AFF1: variants seen among roughly 807,000 people sequenced by gnomAD.
AFF1 encodes the protein ALF transcription elongation factor 1, also known as AF4/FMR2 family member 1.
A neutral mutation model predicts 121.7 loss-of-function variants in AFF1; 48 were observed. The ratio of observed to expected loss-of-function variants is 0.39; its 90% CI spans 0.31 to 0.50. The LOEUF (loss-of-function observed/expected upper bound fraction) is 0.50. Ranked by LOEUF, AFF1 falls within the 20% of genes least tolerant of loss-of-function variation. The pLI, the probability that AFF1 is intolerant of heterozygous loss-of-function variation, is 0.76. For synonymous variants in AFF1, 613 were observed against 563.0 expected, an observed-to-expected ratio of 1.09 and a Z score of -1.26; for missense variants, 1,523 against 1,511.7, an observed-to-expected ratio of 1.01 and a Z score of -0.12.
At chr4:87,053,263 C>G (rs388401) in intron 4 of AFF1, among the ~76,000 whole-genome samples, 87,313 of 152,058 alleles carry the variant, frequency 0.57, 27,454 homozygotes, top group African/African-American at 0.86. Flanking sequence ...GGCCTCTTGT[C>G]ACATCATGTT....
chr4:87,041,981 G>GCCTGGGCGACA (rs528090664), intron 2 of AFF1, among the ~76,000 whole-genome samples: 38 of 150,098 alleles, frequency 2.5e-4, no homozygotes, highest in Non-Finnish European at 5.0e-4. Flanking sequence ...CTGCACTCCA[G>GCCTGGGCGACA]CCTGGGCGAC....
intron 2 of AFF1, among the ~76,000 whole-genome samples, chr4:86,997,240 A>T (rs1725287182): frequency 6.6e-6 from 1 of 152,032 alleles, no homozygotes; most frequent in African/African-American, 2.4e-5. Context: ...AGAGGAAGAG[A>T]CCTGCAGTAG....
At chr4:87,091,927 A>G in intron 7 of AFF1, 98 bp downstream of exon 7, 1 of 777,870 alleles carries the variant, frequency 1.3e-6, no homozygotes, top group Non-Finnish European at 2.1e-6. Flanking sequence ...AGCAGAGATG[A>G]GGCCTTCCTA....
intron 2 of AFF1, among the ~76,000 whole-genome samples, chr4:87,022,070 T>C (rs926835198): frequency 6.6e-6 from 1 of 152,056 alleles, no homozygotes; most frequent in African/African-American, 2.4e-5. Flanking sequence ...CCAGGCGTGG[T>C]GGCGGGTGCC....
At chr4:87,064,994 G>A (rs1464793463) in intron 4 of AFF1, among the ~76,000 whole-genome samples, 2 of 151,978 alleles carry the variant, frequency 1.3e-5, no homozygotes, top group Non-Finnish European at 2.9e-5. Flanking sequence ...AGCTGTGTTC[G>A]TGCCACTGCA....
rs70953629 is a variant in AFF1, at chr4:86,969,879, C to CAAAAAAAAAAAAAA, written c.38+21313_38+21326dup. Among the ~76,000 whole-genome samples the CAAAAAAAAAAAAAA allele has an allele frequency of 2.2e-3, 137 of 63,602 alleles. 18 individuals carry two copies. Among genetic ancestry groups the CAAAAAAAAAAAAAA allele is most frequent in the Middle Eastern group, 0.017 (1 of 58 alleles). 41.7% of individuals were successfully genotyped at this position (63,602 alleles called of 152,430 possible). On this transcript the variant is annotated intron_variant, in intron 2 of 20. Coordinates refer to ENST00000395146, the MANE Select transcript of AFF1 (RefSeq NM_001166693.3). Reference sequence around the variant, plus strand: ...TGGGCGGAAGAGCGAGACTCCGTCTCAAAAAAAAAAAAAAAAAAGGTAAGA... The same window carrying CAAAAAAAAAAAAAA: ...TGGGCGGAAGAGCGAGACTCCGTCTCAAAAAAAAAAAAAAAAAAAAAAAAAAAAAAAAGGTAAGA...
chr4:86,972,686 C>T (rs1308331310), intron 2 of AFF1, among the ~76,000 whole-genome samples: 3 of 152,034 alleles, frequency 2.0e-5, no homozygotes, highest in Non-Finnish European at 2.9e-5. Context: ...TACAGGCGTG[C>T]ACCACTACAC....
At chr4:87,058,358 T>C (rs997813796) in intron 4 of AFF1, among the ~76,000 whole-genome samples, 6 of 152,182 alleles carry the variant, frequency 3.9e-5, no homozygotes, top group South Asian at 2.1e-4. Context: ...CATGCAAATA[T>C]AGGGTGGCAC....
At chr4:87,015,768 A>G (rs1207641075) in intron 2 of AFF1, among the ~76,000 whole-genome samples, 1 of 152,226 alleles carries the variant, frequency 6.6e-6, no homozygotes, top group African/African-American at 2.4e-5. Flanking sequence ...AGGCTTTATA[A>G]AAATTCTTGA....
chr4:86,971,622 C>T (rs1004541224), intron 2 of AFF1, among the ~76,000 whole-genome samples: 2 of 152,170 alleles, frequency 1.3e-5, no homozygotes, highest in Admixed American at 1.3e-4. Flanking sequence ...CAAAGGTCTG[C>T]TGTGTGCAAA....
chr4:87,108,166 C>G lies in AFF1; in HGVS notation c.1384C>G (p.Gln462Glu). The part of the protein sequence containing the change: ...PSSSAPPSAP[Q>E]SLPEPVASAH... Reference sequence around the variant, plus strand: ...CTTTTGGTTGCTTTGCAGTGCTCCACAGTCCCTTCCAGAACCAGTGGCATC... The same window carrying G: ...CTTTTGGTTGCTTTGCAGTGCTCCAGAGTCCCTTCCAGAACCAGTGGCATC... The change falls in exon 11 of 21, where the codon CAG (glutamine) becomes GAG (glutamate). Residue 462 changes from glutamine (Q) to glutamate (E), a missense_variant. Transcript: ENST00000395146. 6.2e-7 allele frequency: 1 copy of G among 1,613,936 alleles called. No homozygotes were observed. Among genetic ancestry groups the G allele is most frequent in the South Asian group, 1.1e-5 (1 of 91,048 alleles).
At chr4:86,999,790 A>T (rs746365337) in intron 2 of AFF1, among the ~76,000 whole-genome samples, 1 of 151,972 alleles carries the variant, frequency 6.6e-6, no homozygotes, top group Non-Finnish European at 1.5e-5. Flanking sequence ...GGTCACTGGC[A>T]TCATAAAGGA....
intron 4 of AFF1, among the ~76,000 whole-genome samples, chr4:87,070,946 T>C (rs1440435338): frequency 6.6e-6 from 1 of 152,198 alleles, no homozygotes; most frequent in Non-Finnish European, 1.5e-5. Context: ...AGGTTAGCTA[T>C]AGTGAGTCCG....
chr4:87,084,403 A>T (rs1174645622), intron 5 of AFF1, among the ~76,000 whole-genome samples: 2 of 151,654 alleles, frequency 1.3e-5, no homozygotes, highest in African/African-American at 4.8e-5. Context: ...ATTAGCCAGG[A>T]GTGGTGGCAC....
intron 2 of AFF1, among the ~76,000 whole-genome samples, chr4:87,016,238 C>T (rs961374217): frequency 1.3e-5 from 2 of 151,882 alleles, no homozygotes; most frequent in South Asian, 2.1e-4. Context: ...AATCGAGGTA[C>T]GTTCCTTGTC....
chr4:87,128,544 A>G (rs1417415241), intron 16 of AFF1, among the ~76,000 whole-genome samples: 1 of 152,200 alleles, frequency 6.6e-6, no homozygotes, highest in Non-Finnish European at 1.5e-5. Flanking sequence ...GAGGAAGGGC[A>G]TGAGTTGCCT....
chr4:87,126,458 T>C, intron 14 of AFF1, 122 bp downstream of exon 14: 1 of 884,922 alleles, frequency 1.1e-6, no homozygotes. Flanking sequence ...ATGAGGCAAC[T>C]GTTTGTGTTT....
intron 2 of AFF1, among the ~76,000 whole-genome samples, chr4:86,992,219 A>G (rs1196105033): frequency 6.6e-6 from 1 of 152,170 alleles, no homozygotes; most frequent in Non-Finnish European, 1.5e-5. Context: ...ACCAGTTTGC[A>G]TGACTGAGAA....
In AFF1 at chr4:87,070,257, C is replaced by T. The variant is rs569160251; in HGVS notation, c.1060-13863C>T. On this transcript the variant is annotated intron_variant, in intron 4 of 20. Coordinates refer to ENST00000395146, the MANE Select transcript of AFF1 (RefSeq NM_001166693.3). The stretch of plus-strand genomic sequence containing the variant: ...GACCTTGTGATCCACCTGTCTCGGC[C>T]TCCCGAAGTGCTGGGAGTAGAGGCG... Among the ~76,000 whole-genome samples the T allele has an allele frequency of 4.6e-5, 7 of 152,376 alleles. No individual in the cohort carries two copies. In the East Asian group the frequency reaches 1.4e-3, roughly 29 times the overall value.
Sources: allele counts gnomAD v4.1 joint callset (sites outside exome capture counted in the v4.1 genomes callset), GRCh38; gene constraint gnomAD v4.1.1; transcripts MANE v1.5; gene names NCBI Gene and HGNC (gene_info 2026-07-23, HGNC 2026-07-21).